Variants in RALGAPA2 observed in about 807,000 individuals in gnomAD.
RALGAPA2 encodes the protein Ral GTPase activating protein catalytic subunit alpha 2.
In RALGAPA2, 139 loss-of-function variants were observed where a neutral mutation model predicts 230.4. The observed-to-expected ratio is 0.60, with a 90% CI of 0.53 to 0.69. RALGAPA2 has a LOEUF of 0.69. Among genes scored for constraint, RALGAPA2 ranks in the 30% least tolerant of loss-of-function variants. The probability of loss-of-function intolerance (pLI) is 0.00; values close to 1 mark genes in which losing one functional copy is unlikely to be tolerated. For missense variants in RALGAPA2, 2,163 were observed against 2,276.0 expected, an observed-to-expected ratio of 0.95 and a Z score of 1.01; for synonymous variants, 847 against 837.8, an observed-to-expected ratio of 1.01 and a Z score of -0.19.
Position 20,512,717 on chromosome 20 carries a change from C to T in RALGAPA2, c.4652G>A (p.Gly1551Asp). The change falls in exon 32 of 40, where the codon GGC becomes GAC. Residue 1551 changes from glycine (G) to aspartate (D), a missense_variant. Physicochemically the swap from Gly to Asp is moderately conservative, Grantham distance 94 (BLOSUM62 -1). Coordinates refer to ENST00000202677, the MANE Select transcript of RALGAPA2 (RefSeq NM_020343.4). ...TTCCTTCTCTTGGTCATAGTTCATG[C>T]CACATGGGGTTAGGGAAGGTTCATT... ...NLNEPSLTPC[G>D]MNYDQEKEII... The T allele has an allele frequency of 6.2e-7, 1 of 1,613,906 alleles. No homozygotes were observed. Among genetic ancestry groups the T allele is most frequent in the Non-Finnish European group, 8.5e-7 (1 of 1,179,808 alleles).
intron 24 of RALGAPA2, among the ~76,000 whole-genome samples, chr20:20,538,852 C>T (rs1387349795): frequency 6.6e-6 from 1 of 152,132 alleles, no homozygotes; most frequent in Admixed American, 6.5e-5. Flanking sequence ...CATTACCAAC[C>T]CACAGAAGTC....
chr20:20,687,789 C>A (rs2068759550), intron 1 of RALGAPA2, among the ~76,000 whole-genome samples: 1 of 152,144 alleles, frequency 6.6e-6, no homozygotes, highest in Admixed American at 6.5e-5. Context: ...TAAGAGCCAG[C>A]AAACCTATGA....
chr20:20,452,654 G>A (rs2061014148), intron 37 of RALGAPA2, among the ~76,000 whole-genome samples: 1 of 152,214 alleles, frequency 6.6e-6, no homozygotes, highest in African/African-American at 2.4e-5. Context: ...CGACAATGCC[G>A]GCCTTCAGAG....
At chr20:20,553,016 A>G (rs1187445204) in intron 23 of RALGAPA2, among the ~76,000 whole-genome samples, 2 of 152,226 alleles carry the variant, frequency 1.3e-5, no homozygotes, top group Non-Finnish European at 2.9e-5. Context: ...CATTTCCAGA[A>G]AAGTCACTGA....
intron 9 of RALGAPA2, 95 bp from the exon 10 acceptor site, chr20:20,629,685 T>C: frequency 7.8e-7 from 1 of 1,282,060 alleles, no homozygotes; most frequent in Non-Finnish European, 1.1e-6. Context: ...GTAACTCTGG[T>C]TACCATCAAT....
intron 1 of RALGAPA2, among the ~76,000 whole-genome samples, chr20:20,708,435 C>T (rs1378946652): frequency 6.6e-5 from 10 of 152,120 alleles, no homozygotes; most frequent in Admixed American, 6.5e-4. Context: ...GGGTGGCTTC[C>T]CCCATACTGT....
intron 15 of RALGAPA2, 51 bp downstream of exon 15, chr20:20,605,124 A>G (rs1462246701): frequency 1.4e-6 from 2 of 1,466,008 alleles, no homozygotes; most frequent in Non-Finnish European, 9.4e-7. Flanking sequence ...ACAAATACAC[A>G]CTCGTCCCCA....
intron 36 of RALGAPA2, among the ~76,000 whole-genome samples, chr20:20,480,111 T>C (rs1231388967): frequency 1.3e-5 from 2 of 152,278 alleles, no homozygotes; most frequent in African/African-American, 4.8e-5. Flanking sequence ...AGATGTGTTC[T>C]TGGACTAGAA....
intron 1 of RALGAPA2, among the ~76,000 whole-genome samples, chr20:20,694,854 T>C (rs2069050233): frequency 6.6e-6 from 1 of 152,326 alleles, no homozygotes; most frequent in South Asian, 2.1e-4. Flanking sequence ...GGGATTTCAG[T>C]AATGCTTGGC....
Position 20,495,130 on chromosome 20 carries a change from G to C in RALGAPA2, c.5354C>G (p.Thr1785Arg). 6.2e-7 allele frequency: 1 copy of C among 1,605,094 alleles called. No homozygotes were observed. ...ATGAAAACGTACCTCAGGTTTCTTCGTTATCGCGATGAAGAACATGTGATT... is the reference window on the plus strand; with the variant it reads ...ATGAAAACGTACCTCAGGTTTCTTCCTTATCGCGATGAAGAACATGTGATT... ...MKNHMFFIAI[T>R]KKPEVPFFGP... The change falls in exon 36 of 40, where the codon ACG becomes AGG. Residue 1785 changes from threonine to arginine, a missense_variant. Transcript: ENST00000202677.
chr20:20,574,388 T>G (rs2064752842), intron 20 of RALGAPA2, among the ~76,000 whole-genome samples: 1 of 152,198 alleles, frequency 6.6e-6, no homozygotes, highest in South Asian at 2.1e-4. Context: ...TATGAAACTG[T>G]GCATTGAAAC....
At chr20:20,533,547 GAGA>G in intron 26 of RALGAPA2, among the ~76,000 whole-genome samples, 1 of 152,098 alleles carries the variant, frequency 6.6e-6, no homozygotes, top group Non-Finnish European at 1.5e-5. Context: ...ATAATAGCAG[GAGA>G]TTTTAACATT....
chr20:20,474,777 C>T (rs1569429173), intron 36 of RALGAPA2, among the ~76,000 whole-genome samples: 2 of 152,096 alleles, frequency 1.3e-5, no homozygotes, highest in Non-Finnish European at 2.9e-5. Flanking sequence ...GTTAGAGATG[C>T]CTACTGGGTA....
intron 3 of RALGAPA2, among the ~76,000 whole-genome samples, chr20:20,666,465 T>C (rs534954141): frequency 6.6e-6 from 1 of 152,324 alleles, no homozygotes; most frequent in South Asian, 2.1e-4. Flanking sequence ...TTCTTGTCCC[T>C]CTTCCACTCA....
At chr20:20,597,142 G>A (rs1050572107) in intron 16 of RALGAPA2, among the ~76,000 whole-genome samples, 1 of 152,070 alleles carries the variant, frequency 6.6e-6, no homozygotes, top group African/African-American at 2.4e-5. Flanking sequence ...AAAAACTTAA[G>A]AGAAACAAAA....
intron 16 of RALGAPA2, among the ~76,000 whole-genome samples, chr20:20,593,746 T>C (rs1454922157): frequency 6.6e-6 from 1 of 152,096 alleles, no homozygotes. Context: ...CAGGAGCAAA[T>C]AAGAGCTGAG....
chr20:20,676,508 T>C (rs1017788790), intron 2 of RALGAPA2, among the ~76,000 whole-genome samples: 1 of 152,222 alleles, frequency 6.6e-6, no homozygotes, highest in African/African-American at 2.4e-5. Context: ...TGCTAGCTGT[T>C]TGAACACAGC....
chr20:20,679,092 C>T (rs905269823), intron 2 of RALGAPA2, among the ~76,000 whole-genome samples: 1 of 152,094 alleles, frequency 6.6e-6, no homozygotes, highest in Admixed American at 6.6e-5. Context: ...GGCAATAACA[C>T]GATTTCACCT....
chr20:20,633,630 G>C (rs903224679), intron 9 of RALGAPA2, among the ~76,000 whole-genome samples: 1 of 152,094 alleles, frequency 6.6e-6, no homozygotes, highest in African/African-American at 2.4e-5. Context: ...TGGGACTACA[G>C]GTACCCGCCA....
Sources: gnomAD v4.1 joint callset for allele counts (sites outside exome capture counted in the v4.1 genomes callset) on GRCh38, gnomAD v4.1.1 for gene constraint, MANE v1.5 for transcripts, NCBI Gene and HGNC (gene_info 2026-07-23, HGNC 2026-07-21) for gene names.